SYNJ2: variants seen among roughly 807,000 people sequenced by gnomAD.
SYNJ2 encodes synaptojanin 2.
Under a neutral mutation model 141.3 loss-of-function variants are expected in SYNJ2, and 116 were observed. That is an observed-to-expected ratio of 0.82 (90% CI 0.71 to 0.96). The LOEUF is 0.96. Ranked by LOEUF, SYNJ2 falls within the 40% of genes least tolerant of loss-of-function variation. The pLI is 0.00. For synonymous variants in SYNJ2, 745 were observed against 777.7 expected, an observed-to-expected ratio of 0.96 and a Z score of 0.70; for missense variants, 1,873 against 1,934.8, an observed-to-expected ratio of 0.97 and a Z score of 0.60.
intron 23 of SYNJ2, 58 bp downstream of exon 23, chr6:158,087,047 C>T: frequency 6.4e-7 from 1 of 1,560,592 alleles, no homozygotes; most frequent in Non-Finnish European, 8.7e-7. Context: ...CCGCGCGTTC[C>T]CTGCTACTGA....
chr6:158,052,529 C>T (rs938221945), intron 5 of SYNJ2, among the ~76,000 whole-genome samples: 1 of 152,132 alleles, frequency 6.6e-6, no homozygotes, highest in Non-Finnish European at 1.5e-5. Context: ...AGCTTACAGT[C>T]ATGGTGGAAG....
chr6:158,049,803 G>A (rs190744247), intron 5 of SYNJ2, among the ~76,000 whole-genome samples: 10 of 152,214 alleles, frequency 6.6e-5, no homozygotes, highest in Admixed American at 6.5e-5. Flanking sequence ...TGGCTCTGCA[G>A]GTGGGGACAC....
At chr6:158,013,877 T>C (rs1434201316) in intron 1 of SYNJ2, among the ~76,000 whole-genome samples, 2 of 152,208 alleles carry the variant, frequency 1.3e-5, no homozygotes, top group Non-Finnish European at 2.9e-5. Flanking sequence ...AAGAAGGCAG[T>C]GATGTGCCTT....
intron 1 of SYNJ2, 42 bp from the exon 2 acceptor site, chr6:158,017,162 G>C: frequency 6.2e-7 from 1 of 1,605,340 alleles, no homozygotes; most frequent in Non-Finnish European, 8.5e-7. Flanking sequence ...GAATGAGCAG[G>C]AGACGCTCGC....
chr6:158,079,661 G>T (rs1387852252), intron 18 of SYNJ2, among the ~76,000 whole-genome samples: 1 of 152,276 alleles, frequency 6.6e-6, no homozygotes, highest in South Asian at 2.1e-4. Flanking sequence ...ACCATGCCCA[G>T]ACTCTTTAGA....
intron 1 of SYNJ2, among the ~76,000 whole-genome samples, chr6:158,007,154 G>C (rs902243937): frequency 6.6e-6 from 1 of 152,038 alleles, no homozygotes; most frequent in Admixed American, 6.6e-5. Flanking sequence ...TATTTTTAGA[G>C]ATGGAGTCTC....
intron 1 of SYNJ2, among the ~76,000 whole-genome samples, chr6:157,989,942 A>G (rs1203994616): frequency 3.9e-5 from 6 of 151,984 alleles, no homozygotes; most frequent in Admixed American, 3.9e-4. Context: ...AAGTTGGTGG[A>G]TGGAACTGTG....
At chr6:158,061,686 C>CCA (rs397710482) in intron 7 of SYNJ2, among the ~76,000 whole-genome samples, 1 of 152,120 alleles carries the variant, frequency 6.6e-6, no homozygotes, top group Non-Finnish European at 1.5e-5. Flanking sequence ...CACCTGTGCC[C>CCA]TCCAGAGAGC....
Position 158,019,296 on chromosome 6 carries a change from G to A in SYNJ2, c.214+2006G>A, listed in dbSNP as rs139281712. ...CCTGGGTTTTAAACTCATGCCTTGCGGCACCAGGGACTGCCTTCAACCACC... is the reference window on the plus strand; with the variant it reads ...CCTGGGTTTTAAACTCATGCCTTGCAGCACCAGGGACTGCCTTCAACCACC... On this transcript the variant is annotated intron_variant, in intron 2 of 26. Transcript: ENST00000355585. Among the ~76,000 whole-genome samples the A allele has an allele frequency of 2.6e-3, 392 of 152,366 alleles. 2 individuals are homozygous for A. The highest frequency in any genetic ancestry group is 8.4e-3 in the African/African-American group (350 of 41,592).
At chr6:158,009,645 G>A (rs1447442921) in intron 1 of SYNJ2, among the ~76,000 whole-genome samples, 5 of 152,232 alleles carry the variant, frequency 3.3e-5, no homozygotes, top group East Asian at 1.9e-4. Context: ...AACTAAAAGC[G>A]TGGGAGACAG....
At chr6:158,082,581 G>C (rs1583492724) in intron 20 of SYNJ2, among the ~76,000 whole-genome samples, 2 of 151,244 alleles carry the variant, frequency 1.3e-5, no homozygotes, top group Non-Finnish European at 2.9e-5. Context: ...AGAATCGCTT[G>C]AACCTGGGAG....
chr6:158,071,290 G>A lies in SYNJ2; in HGVS notation c.1941-312G>A, dbSNP rs1367323500. On this transcript the variant is annotated intron_variant, in intron 14 of 26. Coordinates refer to ENST00000355585, the MANE Select transcript of SYNJ2 (RefSeq NM_003898.4). This position sits in a 1 kb window ranked among gnomAD's most constrained non-coding sequence, Gnocchi z 4.3. ...GGTGGGCTGGTGGGTGGTGATGTTT[G>A]CGCCGCTCCTGGTGGCAGTGAGAAC... 1.9e-4 allele frequency among the ~76,000 whole-genome samples: 29 copies of A among 152,216 alleles called. No individual in the cohort carries two copies. The highest frequency in any genetic ancestry group is 1.9e-3 in the Admixed American group (29 of 15,274).
intron 8 of SYNJ2, 131 bp from the exon 9 acceptor site, chr6:158,063,659 CA>C (rs71298907): frequency 0.051 from 9,630 of 187,012 alleles, 1 homozygote; most frequent in South Asian, 0.061. Flanking sequence ...GACTCTGTCT[CA>C]AAAAAAAAAA....
rs547233044 is a variant in SYNJ2 at position 158,063,681 on chromosome 6, A to C, written c.1128-110A>C. On this transcript the variant is annotated intron_variant, in intron 8 of 26. Coordinates refer to ENST00000355585, the MANE Select transcript of SYNJ2 (RefSeq NM_003898.4). ...TCTCAAAAAAAAAAAAAAAAAAAAA[A>C]AAAAAACCATGTTTCCTTGGGAGTC... The C allele has an allele frequency of 4.0e-4, 263 of 651,504 alleles. 4 individuals carry two copies. The highest frequency in any genetic ancestry group is 4.0e-3 in the African/African-American group (209 of 52,022). 40.4% of individuals were successfully genotyped at this position (651,504 alleles called of 1,614,324 possible). A position where few individuals can be genotyped will look rare whatever the true frequency, so the allele number is the denominator to read the frequency against.
rs1271681013 is a variant in SYNJ2 at position 158,096,608 on chromosome 6, G to A, written c.*244G>A. On this transcript the variant is annotated 3_prime_UTR_variant, in exon 27 of 27. Coordinates refer to ENST00000355585, the MANE Select transcript of SYNJ2 (RefSeq NM_003898.4). ...CTCTTCAAGGAATGGGAACCTTCCT[G>A]TTAAATTCGGTGTATGGATTTTAAG... The A allele has an allele frequency of 2.6e-6, 1 of 378,188 alleles. No homozygotes were observed. Among genetic ancestry groups the A allele is most frequent in the African/African-American group, 2.1e-5 (1 of 48,068 alleles). The allele number at this position is 378,188 out of a possible 1,614,324, so 23.4% of individuals were successfully genotyped here. A position where few individuals can be genotyped will look rare whatever the true frequency, so the allele number is the denominator to read the frequency against.
intron 5 of SYNJ2, among the ~76,000 whole-genome samples, chr6:158,044,046 C>T (rs1226753355): frequency 1.3e-5 from 2 of 152,186 alleles, no homozygotes; most frequent in Non-Finnish European, 1.5e-5. Flanking sequence ...GGTTATGGGC[C>T]GAGTGGACTG....
rs1352626912 is a variant in SYNJ2 at position 158,084,761 on chromosome 6, G to A, written c.3208+587G>A. Among the ~76,000 whole-genome samples, 4 of 152,002 alleles carry A rather than the reference G, an allele frequency of 2.6e-5. No homozygotes were observed. Among genetic ancestry groups the A allele is most frequent in the Admixed American group, 6.6e-5 (1 of 15,258 alleles). ...GGGGAGGCAGAGGCTGCAATGAGCC[G>A]AGATCGCCCCACTGCACTCCAGCTT... On this transcript the variant is annotated intron_variant, in intron 22 of 26. Coordinates refer to ENST00000355585, the MANE Select transcript of SYNJ2 (RefSeq NM_003898.4). The surrounding 1 kb of genome is among the most constrained non-coding windows in gnomAD (Gnocchi z 5.0).
chr6:158,090,781 G>GTAA (rs1411806790), intron 25 of SYNJ2, among the ~76,000 whole-genome samples: 2 of 151,626 alleles, frequency 1.3e-5, no homozygotes, highest in East Asian at 3.9e-4. Flanking sequence ...CCAACCTCAG[G>GTAA]TGATTCATCC....
intron 1 of SYNJ2, among the ~76,000 whole-genome samples, chr6:157,988,095 C>G (rs1171616713): frequency 6.6e-6 from 1 of 152,258 alleles, no homozygotes; most frequent in Non-Finnish European, 1.5e-5. Flanking sequence ...GTGCTAAGCA[C>G]ATAGTGCAGC....
Sources: allele counts gnomAD v4.1 joint callset (sites outside exome capture counted in the v4.1 genomes callset), GRCh38; gene constraint gnomAD v4.1.1; non-coding constraint Gnocchi (gnomAD v3.1); transcripts MANE v1.5; gene names NCBI Gene and HGNC (gene_info 2026-07-23, HGNC 2026-07-21).